LAMA1: variants seen among roughly 807,000 people sequenced by gnomAD.
LAMA1 encodes the protein laminin subunit alpha-1.
Under a neutral mutation model 348.7 loss-of-function variants are expected in LAMA1, and 219 were observed. That is an observed-to-expected ratio of 0.63 (90% CI 0.56 to 0.70). LAMA1 has a LOEUF of 0.70. Ranked by LOEUF, LAMA1 falls within the 30% of genes least tolerant of loss-of-function variation. The pLI is 0.00. For missense variants in LAMA1, 3,744 were observed against 3,888.0 expected (o/e 0.96, Z 0.99); for synonymous variants, 1,487 against 1,491.0 (o/e 1.00, Z 0.06).
intron 17 of LAMA1, 48 bp downstream of exon 17, chr18:7,025,931 G>T (rs1362664815): frequency 6.3e-7 from 1 of 1,578,548 alleles, no homozygotes; most frequent in Non-Finnish European, 8.6e-7. Flanking sequence ...ATCTGGGTGG[G>T]AATCCTGGCC....
At chr18:6,989,157 C>A (rs1387350379) in intron 36 of LAMA1, among the ~76,000 whole-genome samples, 1 of 152,208 alleles carries the variant, frequency 6.6e-6, no homozygotes, top group East Asian at 1.9e-4. Flanking sequence ...TGACAGGCTT[C>A]CCTGGGCAGA....
intron 3 of LAMA1, among the ~76,000 whole-genome samples, chr18:7,064,702 G>GTTCATCCCA (rs2058115499): frequency 6.6e-6 from 1 of 152,064 alleles, no homozygotes; most frequent in South Asian, 2.1e-4. Flanking sequence ...TCTAAATATT[G>GTTCATCCCA]TTCATCCCAC....
chr18:7,078,936 G>C (rs948807234), intron 3 of LAMA1, among the ~76,000 whole-genome samples: 2 of 151,984 alleles, frequency 1.3e-5, no homozygotes, highest in Admixed American at 1.3e-4. Context: ...GCAGTGTGCC[G>C]AGATCGCGCC....
chr18:6,948,251 G>T (rs951914722), intron 60 of LAMA1, 152 bp downstream of exon 60: 6 of 1,071,034 alleles, frequency 5.6e-6, no homozygotes, highest in Non-Finnish European at 8.3e-6. Context: ...GGCTTTTTAC[G>T]CCAAGAAATT....
At chr18:7,089,013 A>G (rs1049906511) in intron 1 of LAMA1, among the ~76,000 whole-genome samples, 5 of 151,984 alleles carry the variant, frequency 3.3e-5, no homozygotes, top group African/African-American at 9.7e-5. Context: ...TAAAAAAAAC[A>G]GCAACAAAAA....
intron 23 of LAMA1, among the ~76,000 whole-genome samples, chr18:7,013,065 G>A (rs1300247701): frequency 6.6e-6 from 1 of 151,886 alleles, no homozygotes; most frequent in Non-Finnish European, 1.5e-5. Context: ...GGAGGCTGAG[G>A]CAGGAGAATT....
In LAMA1 at chr18:7,040,232, C is replaced by A; in HGVS notation, c.1266G>T (p.Lys422Asn). ...DDLHSDLHNG[K>N]QPGQCPCKEG... The stretch of plus-strand genomic sequence containing the variant: ...CCTTACATGGGCACTGACCTGGCTG[C>A]TTCCCTAGAAAGACAACAATGGCAA... The change falls in exon 10 of 63, where the codon AAG (lysine) becomes AAT (asparagine). Residue 422 changes from lysine (K) to asparagine (N), a missense_variant. Physicochemically the swap from Lys to Asn is moderately conservative, Grantham distance 94. Transcript: ENST00000389658. The A allele has an allele frequency of 6.2e-7, 1 of 1,614,062 alleles. No individual in the cohort carries two copies. The highest frequency in any genetic ancestry group is 1.3e-5 in the African/African-American group (1 of 75,034).
intron 3 of LAMA1, among the ~76,000 whole-genome samples, chr18:7,073,324 A>G (rs760109849): frequency 5.3e-5 from 8 of 152,168 alleles, no homozygotes; most frequent in Non-Finnish European, 1.0e-4. Context: ...GGCATTAAGT[A>G]TATTCACACT....
Position 7,008,492 on chromosome 18 carries a change from C to A in LAMA1, c.4118G>T (p.Cys1373Phe). The A allele has an allele frequency of 6.2e-7, 1 of 1,614,060 alleles. No homozygotes were observed. The highest frequency in any genetic ancestry group is 1.7e-5 in the Admixed American group (1 of 60,014). Residue 1373 changes from cysteine to phenylalanine, a missense_variant, in exon 28 of 63, where the codon TGT (cysteine) becomes TTT (phenylalanine). By Grantham distance (205) the Cys-to-Phe change is radical (BLOSUM62 -2). This residue lies in a region of LAMA1 where 1,983 missense variants were observed against 1,934.3 expected (regional missense o/e 1.03). Coordinates refer to ENST00000389658, the MANE Select transcript of LAMA1 (RefSeq NM_005559.4). ...TTTCGACTAGAGTCTCCGTACCTGA[C>A]ATGAGAATCCCACAGTGCCAGGAGG... Reference protein sequence around the residue: ...VCPPGTVGFSCQDCAPGYHRG... With the variant: ...VCPPGTVGFSFQDCAPGYHRG...
At chr18:7,099,331 G>A (rs981241176) in intron 1 of LAMA1, among the ~76,000 whole-genome samples, 2 of 151,258 alleles carry the variant, frequency 1.3e-5, no homozygotes, top group Non-Finnish European at 2.9e-5. Flanking sequence ...CAAACACTGC[G>A]GAAGGCCGCA....
intron 3 of LAMA1, among the ~76,000 whole-genome samples, chr18:7,068,381 A>T (rs777396705): frequency 1.9e-4 from 29 of 152,210 alleles, no homozygotes; most frequent in Non-Finnish European, 3.5e-4. Context: ...CTTTCTTTGC[A>T]CTAAGGGCTT....
At chr18:7,043,164 C>G in intron 8 of LAMA1, 63 bp downstream of exon 8, 1 of 1,545,704 alleles carries the variant, frequency 6.5e-7, no homozygotes, top group East Asian at 2.2e-5. Context: ...TAAGACTTGA[C>G]AAAGTCTCTT....
intron 56 of LAMA1, 176 bp downstream of exon 56, chr18:6,956,460 G>T (rs2057578605): frequency 9.9e-7 from 1 of 1,014,742 alleles, no homozygotes; most frequent in Non-Finnish European, 1.5e-6. Context: ...CATCTGAGTT[G>T]CTTGAGGCAC....
At chr18:7,117,581 C>A (rs1420510822) in intron 1 of LAMA1, 79 bp downstream of exon 1, 1 of 1,474,666 alleles carries the variant, frequency 6.8e-7, no homozygotes. Flanking sequence ...GCAGCCCCAA[C>A]GCGACGGGCT....
chr18:7,026,137 G>A (rs1429785132), intron 16 of LAMA1, 31 bp from the exon 17 acceptor site: 1 of 1,606,320 alleles, frequency 6.2e-7, no homozygotes. Flanking sequence ...AATCAGCTCA[G>A]GTTGTCTTAA....
chr18:6,993,871 AATATAGAGTAAAG>A, intron 34 of LAMA1, 119 bp from the exon 35 acceptor site: 1 of 728,102 alleles, frequency 1.4e-6, no homozygotes, highest in East Asian at 2.6e-5. Context: ...TATATTCCAG[AATATAGAGTAAAG>A]ATGAGCATTA....
intron 57 of LAMA1, among the ~76,000 whole-genome samples, chr18:6,953,432 C>T (rs35565738): frequency 0.37 from 55,788 of 152,148 alleles, 11,421 homozygotes; most frequent in East Asian, 0.64. Context: ...ATAAATTCAA[C>T]TTTATCATAG....
chr18:6,947,128 G>T (rs780294194), intron 61 of LAMA1, 35 bp downstream of exon 61: 4 of 1,613,824 alleles, frequency 2.5e-6, no homozygotes, highest in South Asian at 2.2e-5. Flanking sequence ...CTGACACTGG[G>T]GGGAGGAAGA....
At chr18:6,949,405 A>G (rs1443440775) in intron 58 of LAMA1, 146 bp from the exon 59 acceptor site, 2 of 827,472 alleles carry the variant, frequency 2.4e-6, no homozygotes, top group Non-Finnish European at 4.0e-6. Flanking sequence ...ATTTTTAGAC[A>G]GTTGGTGACG....
Sources: gnomAD v4.1 joint callset for allele counts (sites outside exome capture counted in the v4.1 genomes callset) on GRCh38, gnomAD v4.1.1 for gene constraint, gnomAD v4.1.1 regional missense constraint, MANE v1.5 for transcripts, NCBI Gene and HGNC (gene_info 2026-07-23, HGNC 2026-07-21) for gene names.